Variants in MYO16 observed in about 807,000 individuals in gnomAD.
MYO16 encodes the protein myosin XVI.
A neutral mutation model predicts 205.3 loss-of-function variants in MYO16; 94 were observed. The observed-to-expected ratio is 0.46, with a 90% confidence interval of 0.39 to 0.54. The LOEUF is 0.54. Ranked by LOEUF, MYO16 falls within the 20% of genes least tolerant of loss-of-function variation. The pLI is 0.00. For missense variants in MYO16, 2,315 were observed against 2,387.5 expected (o/e 0.97, Z 0.63); for synonymous variants, 988 against 954.0 (o/e 1.04, Z -0.66).
chr13:108,986,948 C>A (rs1884660734), intron 20 of MYO16, among the ~76,000 whole-genome samples: 1 of 152,148 alleles, frequency 6.6e-6, no homozygotes, highest in Admixed American at 6.5e-5. Flanking sequence ...TGTTTGGGGG[C>A]AGCTTACTTC....
chr13:108,791,846 GAAACTA>G (rs1206473043), intron 5 of MYO16, among the ~76,000 whole-genome samples: 2 of 152,176 alleles, frequency 1.3e-5, no homozygotes, highest in Non-Finnish European at 2.9e-5. Flanking sequence ...CCTGAGGAAG[GAAACTA>G]CAGACAGTCA....
At chr13:108,798,794 C>CT (rs996625629) in intron 6 of MYO16, among the ~76,000 whole-genome samples, 2 of 143,990 alleles carry the variant, frequency 1.4e-5, no homozygotes, top group African/African-American at 5.2e-5. Flanking sequence ...CAAGCTCCGC[C>CT]TCCCGGGTTC....
Position 109,088,700 on chromosome 13 carries a change from G to A in MYO16, c.3336-12085G>A, listed in dbSNP as rs186642167. On this transcript the variant is annotated intron_variant, in intron 27 of 34. Coordinates refer to ENST00000457511, the MANE Select transcript of MYO16 (RefSeq NM_001198950.3). The stretch of plus-strand genomic sequence containing the variant: ...GCGGTTGCGGTGAAGTGAGCTCAGC[G>A]GGCCGCAGTCCTTCATGCTCGGCAC... Among the ~76,000 whole-genome samples, 268 of 152,342 alleles carry A rather than the reference G, an allele frequency of 1.8e-3. 2 individuals are homozygous for A. Among genetic ancestry groups the A allele is most frequent in the African/African-American group, 6.0e-3 (250 of 41,568 alleles).
chr13:108,909,875 A>T (rs1881175740), intron 15 of MYO16, 128 bp from the exon 16 acceptor site: 2 of 987,890 alleles, frequency 2.0e-6, no homozygotes, highest in Non-Finnish European at 3.0e-6. Flanking sequence ...ATAAAATAAA[A>T]TGTAAATAGA....
intron 16 of MYO16, among the ~76,000 whole-genome samples, chr13:108,923,612 C>T (rs999613297): frequency 9.2e-5 from 14 of 152,336 alleles, no homozygotes; most frequent in Admixed American, 2.6e-4. Context: ...GTGGGGCCCT[C>T]GCCTTCCTGC....
intron 20 of MYO16, among the ~76,000 whole-genome samples, chr13:108,967,939 C>G (rs1021271847): frequency 1.5e-4 from 23 of 152,288 alleles, no homozygotes; most frequent in African/African-American, 5.5e-4. Context: ...CAAAGGCTTA[C>G]TATTTTCATC....
chr13:108,946,725 C>G (rs1030635949), intron 16 of MYO16, among the ~76,000 whole-genome samples: 4 of 151,940 alleles, frequency 2.6e-5, no homozygotes, highest in South Asian at 2.1e-4. Flanking sequence ...GGGTATGGAT[C>G]TATACAGAGA....
At chr13:108,835,892 T>C (rs1876888733) in intron 9 of MYO16, among the ~76,000 whole-genome samples, 1 of 152,086 alleles carries the variant, frequency 6.6e-6, no homozygotes, top group East Asian at 1.9e-4. Context: ...AGCATAAAAG[T>C]TTGGAAAATT....
At chr13:108,881,117 A>T (rs1879593597) in intron 12 of MYO16, among the ~76,000 whole-genome samples, 2 of 152,128 alleles carry the variant, frequency 1.3e-5, no homozygotes, top group Admixed American at 1.3e-4. Context: ...AGGCAGCAAC[A>T]TTTGCCATTC....
At chr13:108,655,512 G>A (rs1881203210) in intron 1 of MYO16, among the ~76,000 whole-genome samples, 1 of 152,184 alleles carries the variant, frequency 6.6e-6, no homozygotes, top group South Asian at 2.1e-4. Flanking sequence ...GGGCAGTGTG[G>A]AAGGGAAATG....
At chr13:109,001,569 A>G (rs972646262) in intron 21 of MYO16, among the ~76,000 whole-genome samples, 12 of 152,064 alleles carry the variant, frequency 7.9e-5, no homozygotes, top group African/African-American at 2.9e-4. Context: ...AATAAACTAG[A>G]CTTTTAAAAC....
intron 1 of MYO16, among the ~76,000 whole-genome samples, chr13:108,638,356 T>C (rs971209026): frequency 3.3e-5 from 5 of 152,344 alleles, no homozygotes; most frequent in Admixed American, 2.0e-4. Flanking sequence ...CGGAGTTACT[T>C]ACTCAAGCTA....
chr13:108,572,447 G>T, the MYO16 span, among the ~76,000 whole-genome samples: 4 of 152,118 alleles, frequency 2.6e-5, no homozygotes, highest in Admixed American at 1.3e-4. Context: ...TGGAAACCTG[G>T]GATGTGGAGG....
intron 22 of MYO16, 33 bp from the exon 23 acceptor site, chr13:109,019,677 AC>A: frequency 6.5e-7 from 1 of 1,544,688 alleles, no homozygotes; most frequent in South Asian, 1.1e-5. Flanking sequence ...TAAGTAATAG[AC>A]AAAACAACTC....
intron 4 of MYO16, among the ~76,000 whole-genome samples, chr13:108,748,788 C>T (rs965075405): frequency 6.6e-6 from 1 of 152,094 alleles, no homozygotes; most frequent in African/African-American, 2.4e-5. Context: ...AAAGAATGAA[C>T]CTGGAAACAC....
intron 28 of MYO16, among the ~76,000 whole-genome samples, chr13:109,116,192 C>CA (rs1875673261): frequency 1.3e-5 from 2 of 152,136 alleles, no homozygotes; most frequent in African/African-American, 4.8e-5. Flanking sequence ...CCAGGCATTG[C>CA]AACAAAGTGT....
chr13:109,168,589 G>C (rs1329179485), intron 33 of MYO16, among the ~76,000 whole-genome samples: 2 of 152,140 alleles, frequency 1.3e-5, no homozygotes, highest in African/African-American at 2.4e-5. Context: ...GCTGGGCTTG[G>C]TGGTATATGC....
At chr13:108,974,293 CAGGT>C (rs370570218) in intron 20 of MYO16, among the ~76,000 whole-genome samples, 67 of 152,222 alleles carry the variant, frequency 4.4e-4, no homozygotes, top group African/African-American at 1.3e-3. Flanking sequence ...TTGATACAAT[CAGGT>C]AGCACTTAAT....
At chr13:108,849,608 A>T (rs1877723218) in intron 10 of MYO16, among the ~76,000 whole-genome samples, 14 of 78,452 alleles carry the variant, frequency 1.8e-4, no homozygotes, top group East Asian at 3.3e-4. Context: ...AATCCTGTTG[A>T]ATTTCCTCTT....
Sources: allele counts gnomAD v4.1 joint callset (sites outside exome capture counted in the v4.1 genomes callset), GRCh38; gene constraint gnomAD v4.1.1; transcripts MANE v1.5; gene names NCBI Gene and HGNC (gene_info 2026-07-23, HGNC 2026-07-21).